Variants in UMAD1 observed in about 807,000 individuals in gnomAD.
UMAD1 encodes UBAP1-MVB12-associated (UMA)-domain containing protein 1.
A neutral mutation model predicts 6.1 loss-of-function variants in UMAD1; 8 were observed. The observed-to-expected ratio is 1.30, with a 90% confidence interval of 0.76 to 2.35. UMAD1 has a LOEUF of 2.35. Among genes scored for constraint, UMAD1 ranks in the 30% most tolerant of loss-of-function variants. The probability of loss-of-function intolerance (pLI) is 0.00; values close to 1 mark genes in which losing one functional copy is unlikely to be tolerated. For missense variants in UMAD1, 130 were observed against 78.4 expected, an observed-to-expected ratio of 1.66 and a Z score of -2.49; for synonymous variants, 56 against 31.4, an observed-to-expected ratio of 1.78 and a Z score of -2.61.
At chr7:7,801,890 G>T in intron 3 of UMAD1, 147 bp downstream of exon 3, 1 of 615,028 alleles carries the variant, frequency 1.6e-6, no homozygotes, top group Non-Finnish European at 2.9e-6. Flanking sequence ...GAAAGTCAGT[G>T]GAGAGCAGTA....
chr7:7,809,209 TTTG>T (rs1782978960), intron 3 of UMAD1, among the ~76,000 whole-genome samples: 1 of 151,994 alleles, frequency 6.6e-6, no homozygotes, highest in African/African-American at 2.4e-5. Context: ...TTTAAGGGAC[TTTG>T]TTTATTCAGG....
intron 2 of UMAD1, among the ~76,000 whole-genome samples, chr7:7,680,395 C>T (rs973215400): frequency 1.3e-5 from 2 of 151,988 alleles, no homozygotes; most frequent in African/African-American, 4.8e-5. Flanking sequence ...TCCATTCGTC[C>T]ATGTGTCTGT....
chr7:7,803,753 C>T (rs1027237045), intron 3 of UMAD1, among the ~76,000 whole-genome samples: 1 of 151,366 alleles, frequency 6.6e-6, no homozygotes, highest in Non-Finnish European at 1.5e-5. Flanking sequence ...AAAGGGAGAA[C>T]TCTAGTCTCT....
intron 3 of UMAD1, among the ~76,000 whole-genome samples, chr7:7,843,394 T>A (rs1278888508): frequency 1.3e-5 from 2 of 152,204 alleles, no homozygotes; most frequent in African/African-American, 4.8e-5. Context: ...GTAAACCTGT[T>A]TTAAAGTGAA....
intron 1 of UMAD1, among the ~76,000 whole-genome samples, chr7:7,645,634 T>A (rs1486884934): frequency 6.6e-6 from 1 of 152,204 alleles, no homozygotes; most frequent in East Asian, 1.9e-4. Context: ...CCTAGTTTGA[T>A]AAGCATTTTA....
At chr7:7,649,898 T>C (rs1454333851) in intron 1 of UMAD1, among the ~76,000 whole-genome samples, 1 of 152,210 alleles carries the variant, frequency 6.6e-6, no homozygotes, top group African/African-American at 2.4e-5. Context: ...TATGAAATTA[T>C]AGTGAAAAGA....
intron 2 of UMAD1, among the ~76,000 whole-genome samples, chr7:7,756,165 T>C (rs969952472): frequency 2.0e-5 from 3 of 152,188 alleles, no homozygotes; most frequent in East Asian, 3.9e-4. Context: ...AGACGGTTGT[T>C]GGAAAATGAA....
At chr7:7,765,482 A>G (rs1348084453) in intron 2 of UMAD1, among the ~76,000 whole-genome samples, 1 of 152,198 alleles carries the variant, frequency 6.6e-6, no homozygotes, top group Admixed American at 6.5e-5. Context: ...AAATTTAATA[A>G]TTTTGGTAGC....
At chr7:7,832,270 C>T (rs1407762029) in intron 3 of UMAD1, among the ~76,000 whole-genome samples, 1 of 152,178 alleles carries the variant, frequency 6.6e-6, no homozygotes, top group African/African-American at 2.4e-5. Context: ...TTAATCTTGA[C>T]ATTCAGTGGA....
chr7:7,759,416 C>T lies in UMAD1; in HGVS notation c.83-42254C>T, dbSNP rs563011192. On this transcript the variant is annotated intron_variant, in intron 2 of 3. Coordinates refer to ENST00000682710, the MANE Select transcript of UMAD1 (RefSeq NM_001302348.2). ...TCAGCCTGGACAGAGGACTCAGGCCCTCTACTTGATTCCATAAGAGTCCGG... is the reference window on the plus strand; with the variant it reads ...TCAGCCTGGACAGAGGACTCAGGCCTTCTACTTGATTCCATAAGAGTCCGG... Among the ~76,000 whole-genome samples the T allele has an allele frequency of 2.0e-5, 3 of 152,334 alleles. No homozygotes were observed. The East Asian group carries it at 5.8e-4, about 29-fold the overall frequency.
chr7:7,654,342 C>G (rs959118110), intron 1 of UMAD1, among the ~76,000 whole-genome samples: 2 of 152,098 alleles, frequency 1.3e-5, no homozygotes, highest in African/African-American at 4.8e-5. Context: ...AGGGGAGGTT[C>G]TGTTCTAAAA....
At chr7:7,732,758 G>T (rs1444213620) in intron 2 of UMAD1, among the ~76,000 whole-genome samples, 1 of 152,204 alleles carries the variant, frequency 6.6e-6, no homozygotes, top group Non-Finnish European at 1.5e-5. Context: ...AGTTCAGTGG[G>T]ATAGGTCAAG....
At chr7:7,812,140 T>G (rs1783032685) in intron 3 of UMAD1, among the ~76,000 whole-genome samples, 1 of 152,220 alleles carries the variant, frequency 6.6e-6, no homozygotes, top group Admixed American at 6.5e-5. Flanking sequence ...CTGGCTTGCA[T>G]TGGGGTTAAC....
At chr7:7,845,801 C>T (rs1783772410) in intron 3 of UMAD1, among the ~76,000 whole-genome samples, 1 of 152,044 alleles carries the variant, frequency 6.6e-6, no homozygotes, top group Non-Finnish European at 1.5e-5. Context: ...TCCTTGCACA[C>T]TTGTAATACA....
chr7:7,791,586 A>G (rs1050525736), intron 2 of UMAD1, among the ~76,000 whole-genome samples: 1 of 152,234 alleles, frequency 6.6e-6, no homozygotes, highest in African/African-American at 2.4e-5. Context: ...TTAAACGGCT[A>G]AATTGATGTT....
chr7:7,730,995 T>A (rs1563161758), intron 2 of UMAD1, among the ~76,000 whole-genome samples: 2 of 152,062 alleles, frequency 1.3e-5, no homozygotes, highest in African/African-American at 4.8e-5. Flanking sequence ...ATCAAGTATG[T>A]TTTTTGTTTG....
intron 3 of UMAD1, among the ~76,000 whole-genome samples, chr7:7,858,149 A>T (rs1784053532): frequency 2.0e-5 from 3 of 152,250 alleles, no homozygotes; most frequent in Non-Finnish European, 2.9e-5. Context: ...AGTGACTGGC[A>T]AGTAAGTGCT....
At chr7:7,833,304 T>C (rs1396740786) in intron 3 of UMAD1, among the ~76,000 whole-genome samples, 2 of 152,156 alleles carry the variant, frequency 1.3e-5, no homozygotes, top group Non-Finnish European at 2.9e-5. Flanking sequence ...GAGTCATCTC[T>C]GGACTGTTGG....
At chr7:7,839,934 G>A (rs1485620508) in intron 3 of UMAD1, among the ~76,000 whole-genome samples, 1 of 152,176 alleles carries the variant, frequency 6.6e-6, no homozygotes, top group Non-Finnish European at 1.5e-5. Context: ...GTTTGCAGTT[G>A]GCAGAAAATT....
Sources: gnomAD v4.1 joint callset for allele counts (sites outside exome capture counted in the v4.1 genomes callset) on GRCh38, gnomAD v4.1.1 for gene constraint, MANE v1.5 for transcripts, NCBI Gene and HGNC (gene_info 2026-07-23, HGNC 2026-07-21) for gene names.